Variants in CPLX2 observed in about 807,000 individuals in gnomAD.
CPLX2 encodes complexin 2, also known as complexin-2.
Under a neutral mutation model 16.3 loss-of-function variants are expected in CPLX2, and 5 were observed. That is an observed-to-expected ratio of 0.31 (90% CI 0.16 to 0.64). CPLX2 has a LOEUF of 0.64. Ranked by LOEUF, CPLX2 falls within the 30% of genes least tolerant of loss-of-function variation. The probability of loss-of-function intolerance (pLI) is 0.79; values close to 1 mark genes in which losing one functional copy is unlikely to be tolerated. For missense variants in CPLX2, 144 were observed against 181.4 expected (o/e 0.79, Z 1.18); for synonymous variants, 89 against 73.2 (o/e 1.22, Z -1.10).
intron 2 of CPLX2, among the ~76,000 whole-genome samples, chr5:175,846,026 T>C (rs1371071541): frequency 6.6e-6 from 1 of 152,208 alleles, no homozygotes; most frequent in Non-Finnish European, 1.5e-5. Flanking sequence ...CACTAAGGTC[T>C]GACCCTCCTG....
chr5:175,875,232 G>C (rs978607439), intron 1 of CPLX2, among the ~76,000 whole-genome samples: 2 of 152,168 alleles, frequency 1.3e-5, no homozygotes, highest in Admixed American at 6.5e-5. Flanking sequence ...GCAGAATTTA[G>C]GGAAGGAGTT....
At chr5:175,832,179 A>G (rs6556225) in intron 2 of CPLX2, among the ~76,000 whole-genome samples, 63,436 of 152,134 alleles carry the variant, frequency 0.42, 15,286 homozygotes, top group African/African-American at 0.66. Context: ...CATGTCTGAC[A>G]GCAGGAGATG....
chr5:175,812,867 A>C (rs1469705322), intron 2 of CPLX2, among the ~76,000 whole-genome samples: 1 of 152,174 alleles, frequency 6.6e-6, no homozygotes, highest in Non-Finnish European at 1.5e-5. Flanking sequence ...TTCCTCCTAA[A>C]TTTTTACTTT....
At chr5:175,836,204 G>A (rs994767215) in intron 2 of CPLX2, among the ~76,000 whole-genome samples, 1 of 152,078 alleles carries the variant, frequency 6.6e-6, no homozygotes, top group Admixed American at 6.5e-5. Context: ...CAAAAAATTA[G>A]CTGGGCGTGG....
intron 2 of CPLX2, among the ~76,000 whole-genome samples, chr5:175,816,142 G>A (rs938073758): frequency 1.3e-5 from 2 of 152,144 alleles, no homozygotes; most frequent in Non-Finnish European, 2.9e-5. Context: ...ATGCAGCAGC[G>A]GAAGAGAGTG....
chr5:175,869,470 G>A (rs908331990), upstream of CPLX2, among the ~76,000 whole-genome samples: 1 of 152,148 alleles, frequency 6.6e-6, no homozygotes, highest in Non-Finnish European at 1.5e-5. Context: ...CAGAGCTTCT[G>A]CCTGCTTCCT....
At chr5:175,798,185 G>T (rs2245078) in intron 1 of CPLX2, among the ~76,000 whole-genome samples, 28,484 of 151,058 alleles carry the variant, frequency 0.19, 2,772 homozygotes, top group South Asian at 0.27. Context: ...GCAAGTGACT[G>T]TCTGAGACTA....
upstream of CPLX2, among the ~76,000 whole-genome samples, chr5:175,870,805 T>C (rs1197647635): frequency 1.3e-5 from 2 of 152,204 alleles, no homozygotes; most frequent in South Asian, 2.1e-4. Flanking sequence ...CTCAAAGGGA[T>C]TGGCGAGTGG....
At chr5:175,804,081 T>C (rs1422399536) in intron 1 of CPLX2, among the ~76,000 whole-genome samples, 6 of 150,322 alleles carry the variant, frequency 4.0e-5, no homozygotes, top group Admixed American at 4.0e-4. Flanking sequence ...TTTATGCAAT[T>C]TTTTTTTAAA....
intron 2 of CPLX2, among the ~76,000 whole-genome samples, chr5:175,828,581 C>T (rs1047120642): frequency 2.0e-5 from 3 of 152,142 alleles, no homozygotes; most frequent in African/African-American, 7.2e-5. Context: ...ATGACCTCAG[C>T]CTCTTCCAAC....
chr5:175,844,833 A>C (rs2113672441), intron 2 of CPLX2, among the ~76,000 whole-genome samples: 1 of 152,360 alleles, frequency 6.6e-6, no homozygotes, highest in African/African-American at 2.4e-5. Flanking sequence ...CATTGTGAGG[A>C]CGACCAAACA....
intron 2 of CPLX2, among the ~76,000 whole-genome samples, chr5:175,831,362 G>A (rs192897622): frequency 4.1e-4 from 62 of 152,286 alleles, no homozygotes; most frequent in Admixed American, 1.6e-3. Context: ...GCCGCAGAGA[G>A]AACTGGAACC....
At chr5:175,869,655 G>C (rs549026406), upstream of CPLX2, among the ~76,000 whole-genome samples, 16 of 152,300 alleles carry the variant, frequency 1.1e-4, no homozygotes, top group Non-Finnish European at 1.5e-4. Context: ...CCCTTAAAGG[G>C]TTAATGCCCC....
chr5:175,816,446 T>A (rs540291804), intron 2 of CPLX2, among the ~76,000 whole-genome samples: 2 of 152,184 alleles, frequency 1.3e-5, no homozygotes, highest in Non-Finnish European at 2.9e-5. Flanking sequence ...GATTACAGGC[T>A]TGAGCCACCG....
Position 175,849,101 on chromosome 5 carries a change from C to A in CPLX2, c.-88-29551C>A, listed in dbSNP as rs73803067. On this transcript the variant is annotated intron_variant, in intron 2 of 4. Coordinates refer to the CPLX2 transcript ENST00000359546. This position sits in a 1 kb window ranked among gnomAD's most constrained non-coding sequence, Gnocchi z 4.4. ...ACTTACACTTCTCAGGATCCCTCCT[C>A]TGCTGTGGGAGGCTGTGCTGGTGTG... Among the ~76,000 whole-genome samples, 999 of 152,330 alleles carry A rather than the reference C, an allele frequency of 6.6e-3. 10 individuals carry two copies. The highest frequency in any genetic ancestry group is 0.023 in the African/African-American group (947 of 41,562).
chr5:175,824,330 A>G (rs1758567800), intron 2 of CPLX2, among the ~76,000 whole-genome samples: 1 of 152,208 alleles, frequency 6.6e-6, no homozygotes, highest in Non-Finnish European at 1.5e-5. Flanking sequence ...ATTCCAACCC[A>G]AAGCTAAGAA....
chr5:175,853,737 G>A (rs1402311951), intron 2 of CPLX2, among the ~76,000 whole-genome samples: 3 of 152,168 alleles, frequency 2.0e-5, no homozygotes, highest in African/African-American at 4.8e-5. Flanking sequence ...ATAGGAAAGG[G>A]CGGTTCTGGA....
intron 1 of CPLX2, chr5:175,878,108 G>T (rs1387217379): frequency 6.6e-6 from 1 of 152,384 alleles, no homozygotes; most frequent in Non-Finnish European, 1.5e-5. Flanking sequence ...ATCCAAGCTG[G>T]CTGTTCTCAT....
chr5:175,799,558 A>ATATATATATATT (rs1561766348), intron 1 of CPLX2, among the ~76,000 whole-genome samples: 7 of 139,634 alleles, frequency 5.0e-5, no homozygotes, highest in Admixed American at 2.1e-4. Context: ...ATATATATAT[A>ATATATATATATT]TATATATATA....
Sources: allele counts gnomAD v4.1 joint callset (sites outside exome capture counted in the v4.1 genomes callset), GRCh38; gene constraint gnomAD v4.1.1; non-coding constraint Gnocchi (gnomAD v3.1); transcripts MANE v1.5; gene names NCBI Gene and HGNC (gene_info 2026-07-23, HGNC 2026-07-21).